The following IPMK variants were observed in gnomAD, a reference collection of about 807,000 sequenced individuals.
The protein encoded by IPMK is inositol polyphosphate multikinase.
In IPMK, 17 loss-of-function variants were observed where a neutral mutation model predicts 45.8. The ratio of observed to expected loss-of-function variants is 0.37; its 90% CI spans 0.25 to 0.56. The LOEUF is 0.56. Ranked by LOEUF, IPMK falls within the 20% of genes least tolerant of loss-of-function variation. The probability of loss-of-function intolerance (pLI) is 0.79; values close to 1 mark genes in which losing one functional copy is unlikely to be tolerated. For synonymous variants in IPMK, 180 were observed against 184.3 expected, an observed-to-expected ratio of 0.98 and a Z score of 0.19; for missense variants, 399 against 498.0, an observed-to-expected ratio of 0.80 and a Z score of 1.89.
At chr10:58,223,286 T>C (rs917366447) in intron 3 of IPMK, among the ~76,000 whole-genome samples, 1 of 152,006 alleles carries the variant, frequency 6.6e-6, no homozygotes, top group Non-Finnish European at 1.5e-5. Context: ...GTGTTAGGTA[T>C]AAAAAAAATT....
intron 4 of IPMK, among the ~76,000 whole-genome samples, chr10:58,210,898 A>G (rs1838148822): frequency 6.6e-6 from 1 of 152,180 alleles, no homozygotes; most frequent in African/African-American, 2.4e-5. Context: ...TTGGAATGAT[A>G]GTTCACATTG....
intron 1 of IPMK, among the ~76,000 whole-genome samples, chr10:58,265,265 G>A (rs1839132702): frequency 6.6e-6 from 1 of 152,032 alleles, no homozygotes; most frequent in Non-Finnish European, 1.5e-5. Context: ...TTGGAAATAG[G>A]TAAAATAATT....
At chr10:58,238,752 C>T (rs77166297) in intron 1 of IPMK, among the ~76,000 whole-genome samples, 2,686 of 151,718 alleles carry the variant, frequency 0.018, 88 homozygotes, top group African/African-American at 0.059. Context: ...TTATGAACTA[C>T]AAAAGGATCT....
At chr10:58,237,643 G>T in intron 2 of IPMK, 86 bp downstream of exon 2, 1 of 971,306 alleles carries the variant, frequency 1.0e-6, no homozygotes, top group Non-Finnish European at 1.7e-6. Context: ...TGACTATGCT[G>T]TCAAATATGT....
At chr10:58,266,577 C>T (rs1030588178) in intron 1 of IPMK, among the ~76,000 whole-genome samples, 1 of 152,062 alleles carries the variant, frequency 6.6e-6, no homozygotes. Flanking sequence ...GTGGCTCTTC[C>T]GGGTCAAAGA....
chr10:58,241,455 T>C (rs575992613), intron 1 of IPMK, among the ~76,000 whole-genome samples: 23 of 152,276 alleles, frequency 1.5e-4, no homozygotes, highest in African/African-American at 5.1e-4. Flanking sequence ...AGAAAAATCC[T>C]CTGGCAAATC....
intron 1 of IPMK, among the ~76,000 whole-genome samples, chr10:58,264,693 A>G (rs1839122857): frequency 1.3e-5 from 2 of 152,226 alleles, no homozygotes; most frequent in African/African-American, 4.8e-5. Context: ...ACAAATGGTG[A>G]AAAGTCTAAA....
chr10:58,224,432 T>C (rs756744038), intron 3 of IPMK, among the ~76,000 whole-genome samples: 2 of 152,184 alleles, frequency 1.3e-5, no homozygotes, highest in Non-Finnish European at 2.9e-5. Context: ...TGCCAACAAA[T>C]GTTATATTTT....
At chr10:58,202,729 T>C (rs1319402694) in intron 4 of IPMK, among the ~76,000 whole-genome samples, 1 of 152,210 alleles carries the variant, frequency 6.6e-6, no homozygotes, top group Non-Finnish European at 1.5e-5. Flanking sequence ...AGCACATCTG[T>C]TTATAGCATG....
At chr10:58,217,913 C>T (rs1185962357) in intron 3 of IPMK, among the ~76,000 whole-genome samples, 1 of 152,006 alleles carries the variant, frequency 6.6e-6, no homozygotes, top group African/African-American at 2.4e-5. Flanking sequence ...TCATTATCCC[C>T]ATTCCACCAA....
At position 58,212,902 on chromosome 10, in the gene IPMK, T is replaced by C. The variant is rs117654700; in HGVS notation, c.546+3243A>G. 8.5e-5 allele frequency: 20 copies of C among 234,976 alleles called. No homozygotes were observed. In the East Asian group the frequency reaches 2.2e-3, roughly 25 times the overall value. The allele number at this position is 234,976 out of a possible 1,614,324, so 14.6% of individuals were successfully genotyped here. A position where few individuals can be genotyped will look rare whatever the true frequency, so the allele number is the denominator to read the frequency against. ...GGCATTTCCGCCAATGAGCAAGTCA[T>C]CAGTGTTACCCTCTGTCCTACTGAC... On this transcript the variant is annotated intron_variant, in intron 4 of 5. Coordinates refer to ENST00000373935, the MANE Select transcript of IPMK (RefSeq NM_152230.5).
chr10:58,215,647 C>T (rs1838234010), intron 4 of IPMK, among the ~76,000 whole-genome samples: 1 of 152,036 alleles, frequency 6.6e-6, no homozygotes. Flanking sequence ...TGAGCTCAAG[C>T]AATCCACCCA....
chr10:58,199,055 A>T (rs1023917221), intron 5 of IPMK, among the ~76,000 whole-genome samples, 185 bp downstream of exon 5: 4 of 152,098 alleles, frequency 2.6e-5, no homozygotes, highest in African/African-American at 9.7e-5. Flanking sequence ...TCATAGTCCC[A>T]TGCTCTTGAT....
At chr10:58,259,550 G>C (rs1839024774) in intron 1 of IPMK, among the ~76,000 whole-genome samples, 1 of 151,884 alleles carries the variant, frequency 6.6e-6, no homozygotes, top group African/African-American at 2.4e-5. Context: ...ATAGGAATGA[G>C]GGCTGGGCAG....
rs546087792 is a variant in IPMK, at chr10:58,256,952, C to A, written c.190+10470G>T. Among the ~76,000 whole-genome samples the A allele has an allele frequency of 2.6e-5, 4 of 152,244 alleles. No homozygotes were observed. The South Asian group carries it at 8.3e-4, about 32-fold the overall frequency. ...TGTTGGCACATGCCTATGGTCTCAGCTACTTAAGGGGCTGAGATGGGAGGA... is the reference window on the plus strand; with the variant it reads ...TGTTGGCACATGCCTATGGTCTCAGATACTTAAGGGGCTGAGATGGGAGGA... On this transcript the variant is annotated intron_variant, in intron 1 of 5. Transcript: ENST00000373935.
intron 2 of IPMK, among the ~76,000 whole-genome samples, chr10:58,233,707 A>G (rs1021259791): frequency 2.6e-5 from 4 of 152,190 alleles, no homozygotes; most frequent in African/African-American, 9.7e-5. Context: ...CCCACAGCCA[A>G]TATCACACGG....
chr10:58,231,147 G>T (rs1190563326), intron 2 of IPMK, among the ~76,000 whole-genome samples: 2 of 152,098 alleles, frequency 1.3e-5, no homozygotes, highest in African/African-American at 2.4e-5. Flanking sequence ...AAAAAGAAAT[G>T]AACAAAGCCT....
At chr10:58,243,566 C>G (rs2132169186) in intron 1 of IPMK, among the ~76,000 whole-genome samples, 1 of 152,344 alleles carries the variant, frequency 6.6e-6, no homozygotes, top group South Asian at 2.1e-4. Flanking sequence ...AACGAGGTTT[C>G]CCCGTGTTGA....
intron 4 of IPMK, among the ~76,000 whole-genome samples, chr10:58,215,706 G>A (rs1001198735): frequency 9.9e-5 from 15 of 151,920 alleles, no homozygotes; most frequent in African/African-American, 2.7e-4. Flanking sequence ...CACTGTGCCC[G>A]GCCACACAAT....
Sources: gnomAD v4.1 joint callset for allele counts (sites outside exome capture counted in the v4.1 genomes callset) on GRCh38, gnomAD v4.1.1 for gene constraint, MANE v1.5 for transcripts, NCBI Gene and HGNC (gene_info 2026-07-23, HGNC 2026-07-21) for gene names.